CSMD2: variants seen among roughly 807,000 people sequenced by gnomAD.
The protein encoded by CSMD2 is CUB and sushi domain-containing protein 2.
A neutral mutation model predicts 398.5 loss-of-function variants in CSMD2; 130 were observed. The observed-to-expected ratio is 0.33, with a 90% CI of 0.28 to 0.38. The LOEUF (loss-of-function observed/expected upper bound fraction) is 0.38. Among genes scored for constraint, CSMD2 ranks in the 10% least tolerant of loss-of-function variants. CSMD2 has a pLI of 1.00. For synonymous variants in CSMD2, 1,828 were observed against 1,908.5 expected, an observed-to-expected ratio of 0.96 and a Z score of 1.10; for missense variants, 3,829 against 4,764.9, an observed-to-expected ratio of 0.80 and a Z score of 5.78.
At chr1:34,072,423 T>C (rs752754826) in intron 2 of CSMD2, among the ~76,000 whole-genome samples, 27 of 152,160 alleles carry the variant, frequency 1.8e-4, no homozygotes, top group Non-Finnish European at 2.1e-4. Flanking sequence ...GCTGAGGATA[T>C]AGAAGGGGGA....
chr1:34,092,295 GTTAA>G (rs1658662455), intron 1 of CSMD2, among the ~76,000 whole-genome samples: 1 of 152,136 alleles, frequency 6.6e-6, no homozygotes, highest in South Asian at 2.1e-4. Context: ...TTACAGAAAA[GTTAA>G]TTTATAAGTT....
chr1:33,517,149 T>C (rs1356152199), intron 70 of CSMD2, among the ~76,000 whole-genome samples: 1 of 152,202 alleles, frequency 6.6e-6, no homozygotes, highest in Non-Finnish European at 1.5e-5. Flanking sequence ...CTTGGCATTA[T>C]TTAAAAAAAA....
intron 5 of CSMD2, among the ~76,000 whole-genome samples, chr1:33,908,072 C>T (rs1479336432): frequency 1.0e-5 from 1 of 100,038 alleles, no homozygotes; most frequent in Non-Finnish European, 1.8e-5. Context: ...GCTGACAGAG[C>T]AAGACTCCAT....
chr1:34,098,249 T>A (rs1395683322), intron 1 of CSMD2, among the ~76,000 whole-genome samples: 9 of 123,784 alleles, frequency 7.3e-5, no homozygotes, highest in Middle Eastern at 4.0e-3. Context: ...AACATCACAT[T>A]CTGGGGACTG....
At chr1:34,052,250 G>GA (rs1340459512) in intron 2 of CSMD2, among the ~76,000 whole-genome samples, 2 of 150,982 alleles carry the variant, frequency 1.3e-5, no homozygotes, top group African/African-American at 4.9e-5. Context: ...ACCATGCATT[G>GA]AAAATATTAA....
In CSMD2 at chr1:33,769,658, G is replaced by T. The variant is rs541388233; in HGVS notation, c.1846+2911C>A. 1.5e-4 allele frequency among the ~76,000 whole-genome samples: 23 copies of T among 152,252 alleles called. 1 individual carries two copies. Among genetic ancestry groups the T allele is most frequent in the Admixed American group, 1.3e-3 (20 of 15,294 alleles). On this transcript the variant is annotated intron_variant, in intron 13 of 70. Coordinates refer to ENST00000373381, the MANE Select transcript of CSMD2 (RefSeq NM_001281956.2). Reference sequence around the variant, plus strand: ...GAACATGAAGGAAGAGTGTATTTGTGTATTCTTGGCAGGGTAATTCCCTAG... The same window carrying T: ...GAACATGAAGGAAGAGTGTATTTGTTTATTCTTGGCAGGGTAATTCCCTAG...
chr1:33,571,203 C>A (rs1304665941), intron 51 of CSMD2, among the ~76,000 whole-genome samples: 1 of 152,136 alleles, frequency 6.6e-6, no homozygotes, highest in African/African-American at 2.4e-5. Context: ...TCCTTGTGGG[C>A]AGGAACCAAA....
chr1:33,767,518 T>C (rs1256247064), intron 13 of CSMD2, among the ~76,000 whole-genome samples: 1 of 152,154 alleles, frequency 6.6e-6, no homozygotes, highest in African/African-American at 2.4e-5. Context: ...CTTAGCAGGA[T>C]CATCCCCAAA....
chr1:33,897,193 G>A (rs1421300751), intron 5 of CSMD2, among the ~76,000 whole-genome samples: 1 of 152,104 alleles, frequency 6.6e-6, no homozygotes, highest in Non-Finnish European at 1.5e-5. Flanking sequence ...CATGAAGTAG[G>A]GTTTATGTGG....
At chr1:34,015,377 C>A (rs1242826977) in intron 3 of CSMD2, among the ~76,000 whole-genome samples, 1 of 152,212 alleles carries the variant, frequency 6.6e-6, no homozygotes, top group Non-Finnish European at 1.5e-5. Context: ...AACCCAAGAA[C>A]TCTATGATTC....
At chr1:33,713,819 C>T (rs1473663922) in intron 21 of CSMD2, among the ~76,000 whole-genome samples, 1 of 152,150 alleles carries the variant, frequency 6.6e-6, no homozygotes, top group Non-Finnish European at 1.5e-5. Context: ...GTCAACTCAT[C>T]AGAGAGGCCT....
chr1:33,540,359 C>G, intron 60 of CSMD2, among the ~76,000 whole-genome samples, 166 bp downstream of exon 60: 1 of 152,082 alleles, frequency 6.6e-6, no homozygotes, highest in East Asian at 1.9e-4. Flanking sequence ...TCCTCATTTT[C>G]TTCCTTTCCA....
At chr1:33,626,661 A>C in intron 32 of CSMD2, 80 bp from the exon 33 acceptor site, 1 of 921,708 alleles carries the variant, frequency 1.1e-6, no homozygotes, top group East Asian at 2.7e-5. Context: ...GCCAGGAAGG[A>C]GGGGCTGCCA....
intron 3 of CSMD2, among the ~76,000 whole-genome samples, chr1:33,946,790 CTTTT>C (rs34749287): frequency 7.0e-6 from 1 of 143,792 alleles, no homozygotes; most frequent in African/African-American, 2.6e-5. Context: ...GTCCAGCTAA[CTTTT>C]TTTTTTTTTT....
In CSMD2 at chr1:33,602,500, G is replaced by C. The variant is rs142904666; in HGVS notation, c.6579C>G (p.Ser2193=). 3.1e-6 allele frequency: 5 copies of C among 1,612,262 alleles called. No homozygotes were observed. The highest frequency in any genetic ancestry group is 1.7e-5 in the Admixed American group (1 of 59,758). Residue 2193 remains serine, a synonymous_variant, in exon 43 of 71, where the codon TCC becomes TCG. Transcript: ENST00000373381. ...NITSSNGTVY[S]PGFPSPYSSS... ...TGGAGTACGGGCTAGGGAACCCCGGGGAGTACACAGTGCCGTTGGAAGAAG... is the reference window on the plus strand; with the variant it reads ...TGGAGTACGGGCTAGGGAACCCCGGCGAGTACACAGTGCCGTTGGAAGAAG...
Position 33,600,920 on chromosome 1 carries a change from C to G in CSMD2, c.6801G>C (p.Leu2267=), listed in dbSNP as rs895668475. The stretch of plus-strand genomic sequence containing the variant: ...TGGCTGCATCACGGTGGAACTTGAG[C>G]AGGACCTGGTTGGATGAACTCTGCA... ...KTVQSSSNQV[L]LKFHRDAATG... The change falls in exon 44 of 71, where the codon CTG becomes CTC. Residue 2267 remains leucine (L), a synonymous_variant. Coordinates refer to ENST00000373381, the MANE Select transcript of CSMD2 (RefSeq NM_001281956.2). The G allele has an allele frequency of 3.7e-6, 6 of 1,614,042 alleles. No homozygotes were observed. Among genetic ancestry groups the G allele is most frequent in the Non-Finnish European group, 5.1e-6 (6 of 1,180,046 alleles).
Position 33,992,755 on chromosome 1 carries a change from T to G in CSMD2, c.517+39839A>C, listed in dbSNP as rs1646599417. 3.3e-5 allele frequency among the ~76,000 whole-genome samples: 5 copies of G among 150,936 alleles called. No individual in the cohort carries two copies. The South Asian group carries it at 1.1e-3, about 32-fold the overall frequency. Reference sequence around the variant, plus strand: ...AGCCGGGCGTGGTGGTGGGCGCCTGTGGTTCTGGCTGCTCAGGAGGCTGAG... The same window carrying G: ...AGCCGGGCGTGGTGGTGGGCGCCTGGGGTTCTGGCTGCTCAGGAGGCTGAG... On this transcript the variant is annotated intron_variant, in intron 3 of 70. Coordinates refer to ENST00000373381, the MANE Select transcript of CSMD2 (RefSeq NM_001281956.2).
At chr1:33,684,221 A>G (rs1022468384) in intron 25 of CSMD2, among the ~76,000 whole-genome samples, 19 of 152,258 alleles carry the variant, frequency 1.2e-4, no homozygotes, top group Admixed American at 3.9e-4. Context: ...AATCAAAACC[A>G]TGCCCGCCAA....
At chr1:34,136,103 C>G (rs1401531324) in intron 1 of CSMD2, among the ~76,000 whole-genome samples, 1 of 152,176 alleles carries the variant, frequency 6.6e-6, no homozygotes, top group Non-Finnish European at 1.5e-5. Flanking sequence ...TAACTGCATC[C>G]TGAAGACTAT....
Sources: allele counts gnomAD v4.1 joint callset (sites outside exome capture counted in the v4.1 genomes callset), GRCh38; gene constraint gnomAD v4.1.1; transcripts MANE v1.5; gene names NCBI Gene and HGNC (gene_info 2026-07-23, HGNC 2026-07-21).